The following CYP46A1 variants were observed in gnomAD, a reference collection of about 807,000 sequenced individuals.
CYP46A1 encodes cytochrome P450 family 46 subfamily A member 1.
Under a neutral mutation model 63.3 loss-of-function variants are expected in CYP46A1, and 20 were observed. The ratio of observed to expected loss-of-function variants is 0.32; its 90% CI spans 0.22 to 0.46. The LOEUF (loss-of-function observed/expected upper bound fraction) is 0.46. Ranked by LOEUF, CYP46A1 falls within the 20% of genes least tolerant of loss-of-function variation. The pLI is 1.00. For missense variants in CYP46A1, 445 were observed against 670.8 expected (o/e 0.66, Z 3.72); for synonymous variants, 268 against 273.6 (o/e 0.98, Z 0.20).
intron 3 of CYP46A1, among the ~76,000 whole-genome samples, chr14:99,697,071 C>T (rs1326676541): frequency 1.3e-5 from 2 of 152,172 alleles, no homozygotes; most frequent in Admixed American, 6.5e-5. Flanking sequence ...TTATTGGCCC[C>T]GTGTAAGCTC....
Position 99,684,554 on chromosome 14 carries a change from C to T in CYP46A1, c.119+18C>T. The T allele has an allele frequency of 1.4e-6, 2 of 1,438,096 alleles. No individual in the cohort carries two copies. Among genetic ancestry groups the T allele is most frequent in the Non-Finnish European group, 1.8e-6 (2 of 1,097,070 alleles). 89.1% of individuals were successfully genotyped at this position (1,438,096 alleles called of 1,614,324 possible). A position where few individuals can be genotyped will look rare whatever the true frequency, so the allele number is the denominator to read the frequency against. ...CGGCCCAGGTGAGCGGGGCTGGGGGCGGGGCCTGGCTGGGGTGCTGGGACT... is the reference window on the plus strand; with the variant it reads ...CGGCCCAGGTGAGCGGGGCTGGGGGTGGGGCCTGGCTGGGGTGCTGGGACT... On this transcript the variant is annotated intron_variant, in intron 1 of 14. Transcript: ENST00000261835.
At chr14:99,715,693 C>T (rs2056781794) in intron 7 of CYP46A1, 117 bp from the exon 8 acceptor site, 1 of 1,348,376 alleles carries the variant, frequency 7.4e-7, no homozygotes, top group South Asian at 1.4e-5. Context: ...GAATTTCTCA[C>T]ATTCTACTGA....
Position 99,691,141 on chromosome 14 carries a change from C to G in CYP46A1, c.180C>G (p.Leu60=), listed in dbSNP as rs1251549338. The G allele has an allele frequency of 1.9e-6, 3 of 1,614,074 alleles. No homozygotes were observed. The highest frequency in any genetic ancestry group is 1.7e-5 in the Admixed American group (1 of 60,012). ...AGGATGAGGTTGGTGGCCGTGTGCT[C>G]CAAGATGTGTTTTTGGATTGGTGGG... is the stretch of plus-strand genomic sequence containing the variant. ...WKKDEVGGRV[L]QDVFLDWAKK... Residue 60 remains leucine (L), a synonymous_variant, in exon 2 of 15, where the codon CTC becomes CTG. Transcript: ENST00000261835.
rs757381529 is a variant in CYP46A1, at chr14:99,718,119, G to A, written c.973G>A (p.Val325Met). 7.4e-6 allele frequency: 12 copies of A among 1,613,950 alleles called. No homozygotes were observed. Among genetic ancestry groups the A allele is most frequent in the Admixed American group, 5.0e-5 (3 of 60,000 alleles). The change falls in exon 10 of 15, where the codon GTG (valine) becomes ATG (methionine). Residue 325 changes from valine (V) to methionine (M), a missense_variant. By Grantham distance (21) the Val-to-Met change is conservative. Transcript: ENST00000261835. The stretch of plus-strand genomic sequence containing the variant: ...GGAGCTGTCTCGCCAGCCAGAGATC[G>A]TGGCAAGGTATGGGGGCTGCTCTTG... ...VMELSRQPEI[V>M]ARLQAEVDEV... is the part of the protein sequence containing the mutation.
intron 3 of CYP46A1, among the ~76,000 whole-genome samples, chr14:99,693,417 A>G (rs2056560468): frequency 6.6e-6 from 1 of 152,284 alleles, no homozygotes; most frequent in Non-Finnish European, 1.5e-5. Context: ...AAAGAAGTTT[A>G]AAGATATATA....
intron 5 of CYP46A1, among the ~76,000 whole-genome samples, chr14:99,705,115 A>T (rs11628270): frequency 0.07 from 10,709 of 152,308 alleles, 437 homozygotes; most frequent in East Asian, 0.16. Flanking sequence ...ACCAGATGAG[A>T]GTGGAGAGCC....
intron 11 of CYP46A1, 66 bp from the exon 12 acceptor site, chr14:99,721,882 AGGCATGCC>A: frequency 1.6e-6 from 2 of 1,269,584 alleles, no homozygotes; most frequent in Non-Finnish European, 2.3e-6. Flanking sequence ...CAGGGGTCCC[AGGCATGCC>A]GCCGGCCGGC....
At chr14:99,704,235 C>T (rs903791507) in intron 5 of CYP46A1, among the ~76,000 whole-genome samples, 36 of 152,300 alleles carry the variant, frequency 2.4e-4, no homozygotes, top group South Asian at 1.0e-3. Flanking sequence ...CGCATTATTA[C>T]GCAACCATCA....
At chr14:99,701,269 G>A (rs1371292574) in intron 5 of CYP46A1, among the ~76,000 whole-genome samples, 1 of 152,156 alleles carries the variant, frequency 6.6e-6, no homozygotes, top group Non-Finnish European at 1.5e-5. Flanking sequence ...GTGCAGTAAT[G>A]TCCTAGGCCT....
chr14:99,703,443 C>T (rs960671196), intron 5 of CYP46A1, among the ~76,000 whole-genome samples: 1 of 152,148 alleles, frequency 6.6e-6, no homozygotes, highest in Non-Finnish European at 1.5e-5. Context: ...TCAATGGCTT[C>T]CTATCATCTG....
chr14:99,706,230 CA>C (rs1283944541), intron 5 of CYP46A1: 1 of 162,106 alleles, frequency 6.2e-6, no homozygotes, highest in Non-Finnish European at 1.4e-5. Flanking sequence ...CAAAATGCTG[CA>C]GCTGGTGCCC....
Position 99,722,071 on chromosome 14 carries a change from G to A in CYP46A1, c.1176+5G>A. The A allele has an allele frequency of 1.2e-6, 2 of 1,609,740 alleles. No individual in the cohort carries two copies. The highest frequency in any genetic ancestry group is 1.7e-6 in the Non-Finnish European group (2 of 1,178,118). On this transcript the variant is annotated splice_donor_5th_base_variant and intron_variant, in intron 12 of 14. Transcript: ENST00000261835. This position sits in a 1 kb window ranked among gnomAD's most constrained non-coding sequence, Gnocchi z 4.6. The stretch of plus-strand genomic sequence containing the variant: ...CCCGGCAACACCCCGCTCTTGGTGG[G>A]TGGAGGCCCTGGGGGTCCTGGGGTG...
rs2056891104 is a variant in CYP46A1 at position 99,725,838 on chromosome 14, G to A, written c.1266-352G>A. Among the ~76,000 whole-genome samples the A allele has an allele frequency of 6.6e-6, 1 of 152,186 alleles. No homozygotes were observed. The highest frequency in any genetic ancestry group is 6.5e-5 in the Admixed American group (1 of 15,280). On this transcript the variant is annotated intron_variant, in intron 13 of 14. Transcript: ENST00000261835. The surrounding 1 kb of genome is among the most constrained non-coding windows in gnomAD (Gnocchi z 4.2). Reference sequence around the variant, plus strand: ...CAACGCGTTAAGGTACCGAAGCCATGGTGGGAAGAGCTGGACTCCACAGCC... The same window carrying A: ...CAACGCGTTAAGGTACCGAAGCCATAGTGGGAAGAGCTGGACTCCACAGCC...
chr14:99,707,346 G>A (rs2056686712), intron 6 of CYP46A1, among the ~76,000 whole-genome samples: 1 of 152,202 alleles, frequency 6.6e-6, no homozygotes, highest in African/African-American at 2.4e-5. Flanking sequence ...ATCTTGTCAA[G>A]GAAGAAAGCC....
Position 99,700,071 on chromosome 14 carries a change from GGA to G in CYP46A1, c.417_418del (p.Arg139SerfsTer13). 6.2e-7 allele frequency: 1 copy of G among 1,609,350 alleles called. No individual in the cohort carries two copies. Among genetic ancestry groups the G allele is most frequent in the Non-Finnish European group, 8.5e-7 (1 of 1,177,536 alleles). Reference sequence around the variant, plus strand: ...AACTATGAGCGCTGGCACAAGCAGCGGAGAGTCATAGACCTGGCCTTCAGCCG... The same window carrying G: ...AACTATGAGCGCTGGCACAAGCAGCGGAGTCATAGACCTGGCCTTCAGCCG... On this transcript the variant is annotated frameshift_variant, in exon 5 of 15. Transcript: ENST00000261835. LOFTEE classifies it high-confidence loss of function.
chr14:99,717,773 G>A, intron 9 of CYP46A1: 1 of 401,448 alleles, frequency 2.5e-6, no homozygotes, highest in Non-Finnish European at 4.5e-6. Context: ...CGAGGCCTTG[G>A]GCTCACGGAC....
intron 1 of CYP46A1, 63 bp downstream of exon 1, chr14:99,684,599 C>T: frequency 9.5e-6 from 13 of 1,370,092 alleles, no homozygotes; most frequent in Non-Finnish European, 1.3e-5. Context: ...GGGACAGCGT[C>T]TAAGCCGGCG....
intron 7 of CYP46A1, chr14:99,713,433 A>C (rs2056753239): frequency 1.7e-5 from 1 of 58,136 alleles, no homozygotes; most frequent in Non-Finnish European, 4.4e-5. Context: ...ACAAGACTAC[A>C]TCTCAAAAAA....
At chr14:99,684,580 G>A in intron 1 of CYP46A1, 44 bp downstream of exon 1, 1 of 1,387,078 alleles carries the variant, frequency 7.2e-7, no homozygotes, top group Admixed American at 2.5e-5. Context: ...TGCTGGGACT[G>A]GGGGCCTGGG....
Sources: allele counts gnomAD v4.1 joint callset (sites outside exome capture counted in the v4.1 genomes callset), GRCh38; gene constraint gnomAD v4.1.1; non-coding constraint Gnocchi (gnomAD v3.1); transcripts MANE v1.5; gene names NCBI Gene and HGNC (gene_info 2026-07-23, HGNC 2026-07-21).